Variants in PCDH7 observed in about 807,000 individuals in gnomAD.
PCDH7 encodes the protein protocadherin-7.
Under a neutral mutation model 58.9 loss-of-function variants are expected in PCDH7, and 17 were observed. That is an observed-to-expected ratio of 0.29 (90% CI 0.20 to 0.43). PCDH7 has a LOEUF of 0.43. PCDH7 is among the 20% of genes least tolerant of loss of function. PCDH7 has a pLI of 1.00. For missense variants in PCDH7, 1,274 were observed against 1,441.0 expected (o/e 0.88, Z 1.88); for synonymous variants, 664 against 616.4 (o/e 1.08, Z -1.14).
intron 3 of PCDH7, among the ~76,000 whole-genome samples, chr4:31,115,317 C>T (rs1716860275): frequency 6.6e-6 from 1 of 151,868 alleles, no homozygotes; most frequent in Non-Finnish European, 1.5e-5. Context: ...ATTATCAATC[C>T]TCTGACTTTT....
In PCDH7 at chr4:31,120,601, T is replaced by A. The variant is rs77733780; in HGVS notation, c.*8-21872T>A. Among the ~76,000 whole-genome samples the A allele has an allele frequency of 6.6e-3, 1,006 of 152,242 alleles. 15 individuals are homozygous for A. Among genetic ancestry groups the A allele is most frequent in the African/African-American group, 0.023 (962 of 41,550 alleles). On this transcript the variant is annotated intron_variant, in intron 3 of 3. Transcript: ENST00000509759. ...TAAATTCATATTTATTGAAAACCAC[T>A]TAAGTAAGTATATCTAGAAATTTGA... is the stretch of plus-strand genomic sequence containing the variant.
At chr4:30,867,005 T>C (rs1734965449) in intron 1 of PCDH7, among the ~76,000 whole-genome samples, 1 of 152,124 alleles carries the variant, frequency 6.6e-6, no homozygotes. Context: ...GAGGTAGATC[T>C]AAGGTTCATG....
At chr4:30,819,998 T>C (rs532744032) in intron 1 of PCDH7, among the ~76,000 whole-genome samples, 4 of 152,250 alleles carry the variant, frequency 2.6e-5, no homozygotes, top group Non-Finnish European at 5.9e-5. Context: ...CATTAAGTCA[T>C]TGACCAGAAC....
chr4:30,873,605 T>C (rs1735898873), intron 1 of PCDH7, among the ~76,000 whole-genome samples: 1 of 151,876 alleles, frequency 6.6e-6, no homozygotes, highest in African/African-American at 2.4e-5. Flanking sequence ...GTAGGTCATT[T>C]TCCAGGAATA....
chr4:30,730,777 G>GT lies in PCDH7; in HGVS notation c.3200dup (p.Phe1068ValfsTer9), dbSNP rs767683648. ...GATGCGTCTACATCCATACATTACT[G>GT]TGTTTGGCTGAATTCCACTCTAATA... On this transcript the variant is annotated frameshift_variant, in exon 2 of 2. Transcript: ENST00000361762. LOFTEE classifies it high-confidence loss of function. The GT allele has an allele frequency of 2.5e-6, 4 of 1,606,920 alleles. No individual in the cohort carries two copies. The highest frequency in any genetic ancestry group is 3.4e-6 in the Non-Finnish European group (4 of 1,177,676).
chr4:31,015,109 A>G (rs1206845876), intron 3 of PCDH7, among the ~76,000 whole-genome samples: 2 of 152,182 alleles, frequency 1.3e-5, no homozygotes, highest in Non-Finnish European at 1.5e-5. Flanking sequence ...TGACCTGAAT[A>G]TATGTCAATG....
At chr4:30,958,896 T>G (rs2109456590) in intron 3 of PCDH7, among the ~76,000 whole-genome samples, 1 of 152,184 alleles carries the variant, frequency 6.6e-6, no homozygotes, top group African/African-American at 2.4e-5. Flanking sequence ...CATAAAAGCA[T>G]TTTACTTAGT....
intron 3 of PCDH7, among the ~76,000 whole-genome samples, chr4:31,121,660 C>T (rs1717708092): frequency 6.6e-6 from 1 of 152,014 alleles, no homozygotes; most frequent in South Asian, 2.1e-4. Flanking sequence ...CTCCCAATGT[C>T]CAAATAAGAA....
In PCDH7 at chr4:30,721,400, A is replaced by ACC; in HGVS notation, c.-23_-22insCC. 1 of 1,471,426 alleles carries ACC rather than the reference A, an allele frequency of 6.8e-7. No homozygotes were observed. The highest frequency in any genetic ancestry group is 9.0e-7 in the Non-Finnish European group (1 of 1,113,212). 91.1% of individuals were successfully genotyped at this position (1,471,426 alleles called of 1,614,324 possible). ...CGAGGGGGCTGTGGTTAGAAGGAGC[A>ACC]GTAGCAGCAGCAGCAGGAGAAGATG... On this transcript the variant is annotated 5_prime_UTR_variant, in exon 1 of 2. It introduces an in-frame stop codon into an upstream open reading frame of the 5' UTR. Transcript: ENST00000361762. This position sits in a 1 kb window ranked among gnomAD's most constrained non-coding sequence, Gnocchi z 6.7.
intron 3 of PCDH7, among the ~76,000 whole-genome samples, chr4:31,038,029 G>A: frequency 6.6e-6 from 1 of 152,230 alleles, no homozygotes; most frequent in East Asian, 1.9e-4. Flanking sequence ...GGCAGCAGAT[G>A]GTCAGGGCCC....
intron 3 of PCDH7, among the ~76,000 whole-genome samples, chr4:31,005,600 A>G (rs1752705430): frequency 6.6e-6 from 1 of 152,218 alleles, no homozygotes; most frequent in Admixed American, 6.5e-5. Flanking sequence ...ACCATATAAC[A>G]CTTTTTCTCC....
rs1051244895 is a variant in PCDH7 at position 30,872,042 on chromosome 4, T to C, written c.71-48111T>C. On this transcript the variant is annotated intron_variant, in intron 1 of 3. Coordinates refer to the PCDH7 transcript ENST00000509759. ...CTGGCCTTTATTACATCTGCATATT[T>C]TTTCAAATGAGGTCACATTTATAGT... Among the ~76,000 whole-genome samples, 36 of 152,248 alleles carry C rather than the reference T, an allele frequency of 2.4e-4. 1 individual carries two copies. Among genetic ancestry groups the C allele is most frequent in the Admixed American group, 2.2e-3 (34 of 15,274 alleles).
At chr4:30,822,350 G>T (rs905549075) in intron 1 of PCDH7, among the ~76,000 whole-genome samples, 3 of 152,162 alleles carry the variant, frequency 2.0e-5, no homozygotes, top group Non-Finnish European at 4.4e-5. Flanking sequence ...CGACCGCTTG[G>T]TTTGGAATGC....
chr4:30,838,142 T>C (rs1023713929), intron 1 of PCDH7, among the ~76,000 whole-genome samples: 2 of 151,868 alleles, frequency 1.3e-5, no homozygotes, highest in Non-Finnish European at 2.9e-5. Context: ...GTCCTTAAAA[T>C]CTTAGGGAAT....
chr4:31,032,740 G>A (rs774527901), intron 3 of PCDH7, among the ~76,000 whole-genome samples: 67 of 150,722 alleles, frequency 4.4e-4, no homozygotes, highest in Non-Finnish European at 8.3e-4. Flanking sequence ...ATGTCATTGC[G>A]AGCACTTGAT....
intron 1 of PCDH7, among the ~76,000 whole-genome samples, chr4:30,807,981 G>A (rs1726462002): frequency 6.6e-6 from 1 of 152,206 alleles, no homozygotes; most frequent in Admixed American, 6.5e-5. Context: ...TCTCTGGAGA[G>A]TCTACAGTGA....
chr4:30,940,024 A>G (rs1745831940), intron 2 of PCDH7, among the ~76,000 whole-genome samples: 1 of 151,620 alleles, frequency 6.6e-6, no homozygotes. Context: ...GTCAAAGTTG[A>G]TGAGCACGTG....
chr4:30,810,873 G>T (rs186517197), intron 1 of PCDH7, among the ~76,000 whole-genome samples: 1 of 152,270 alleles, frequency 6.6e-6, no homozygotes, highest in Admixed American at 6.5e-5. Flanking sequence ...GCCTCCCAAC[G>T]TGCTGAGATT....
At chr4:30,848,833 A>AAG (rs1732336381) in intron 1 of PCDH7, among the ~76,000 whole-genome samples, 1 of 152,118 alleles carries the variant, frequency 6.6e-6, no homozygotes, top group Non-Finnish European at 1.5e-5. Flanking sequence ...TGCAATTAAA[A>AAG]TTGTACTATC....
Sources: gnomAD v4.1 joint callset for allele counts (sites outside exome capture counted in the v4.1 genomes callset) on GRCh38, gnomAD v4.1.1 for gene constraint, Gnocchi (gnomAD v3.1) non-coding constraint, MANE v1.5 for transcripts, NCBI Gene and HGNC (gene_info 2026-07-23, HGNC 2026-07-21) for gene names.